LRRC69: variants seen among roughly 807,000 people sequenced by gnomAD.
The protein encoded by LRRC69 is leucine-rich repeat-containing protein 69.
LRRC69 carries 42 observed loss-of-function variants against 37.8 expected under a neutral mutation model. The ratio of observed to expected loss-of-function variants is 1.11; its 90% CI spans 0.87 to 1.44. The LOEUF is 1.44. Ranked by LOEUF, LRRC69 falls within the 40% of genes most tolerant of loss-of-function variation. LRRC69 has a pLI of 0.00. For missense variants in LRRC69, 357 were observed against 401.9 expected, an observed-to-expected ratio of 0.89 and a Z score of 0.96; for synonymous variants, 141 against 143.1, an observed-to-expected ratio of 0.99 and a Z score of 0.11.
chr8:91,131,050 A>G (rs1411290734), intron 3 of LRRC69, among the ~76,000 whole-genome samples: 2 of 152,028 alleles, frequency 1.3e-5, no homozygotes, highest in Non-Finnish European at 2.9e-5. Flanking sequence ...TTTTGAAGAG[A>G]CACAAATATT....
intron 5 of LRRC69, among the ~76,000 whole-genome samples, chr8:91,137,191 C>T (rs1272611832): frequency 6.6e-6 from 1 of 151,904 alleles, no homozygotes; most frequent in East Asian, 1.9e-4. Flanking sequence ...TAATATTGAC[C>T]TTGAAAATGT....
chr8:91,118,614 T>C (rs1813561076), intron 1 of LRRC69: 1 of 186,692 alleles, frequency 5.4e-6, no homozygotes, highest in Non-Finnish European at 1.1e-5. Context: ...TTTCAATCTA[T>C]AGCAATCAGT....
chr8:91,212,013 C>G (rs556601720), intron 7 of LRRC69, among the ~76,000 whole-genome samples: 1 of 152,240 alleles, frequency 6.6e-6, no homozygotes, highest in South Asian at 2.1e-4. Flanking sequence ...AAATATCAAT[C>G]TTGATCATAA....
rs1419735050 is a variant in LRRC69 at position 91,216,947 on chromosome 8, T to C, written c.934-1943T>C. Reference sequence around the variant, plus strand: ...TAGTTCACCCTCCCCGAAATGTCCTTTTGGTTTCTCCCCAGGCAGACACAT... The same window carrying C: ...TAGTTCACCCTCCCCGAAATGTCCTCTTGGTTTCTCCCCAGGCAGACACAT... On this transcript the variant is annotated intron_variant, in intron 7 of 7. Coordinates refer to ENST00000448384, the Ensembl canonical transcript of LRRC69. Among the ~76,000 whole-genome samples, 3 of 152,124 alleles carry C rather than the reference T, an allele frequency of 2.0e-5. No homozygotes were observed. In the East Asian group the frequency reaches 5.8e-4, roughly 29 times the overall value.
chr8:91,131,798 C>G (rs1021651745), intron 3 of LRRC69, among the ~76,000 whole-genome samples: 5 of 151,936 alleles, frequency 3.3e-5, no homozygotes, highest in African/African-American at 4.8e-5. Context: ...TTTTGACCAT[C>G]TCTTTAATTT....
intron 1 of LRRC69, among the ~76,000 whole-genome samples, chr8:91,108,186 C>G (rs1387789867): frequency 6.6e-6 from 1 of 152,004 alleles, no homozygotes; most frequent in Non-Finnish European, 1.5e-5. Flanking sequence ...GTAAATAAGA[C>G]CAACTCTAAC....
chr8:91,145,085 A>G (rs1703793261), intron 5 of LRRC69, among the ~76,000 whole-genome samples: 1 of 151,972 alleles, frequency 6.6e-6, no homozygotes, highest in African/African-American at 2.4e-5. Flanking sequence ...AAACATGTCC[A>G]TGATCAAAAA....
chr8:91,216,560 T>C (rs1810051541), intron 7 of LRRC69, among the ~76,000 whole-genome samples: 2 of 152,134 alleles, frequency 1.3e-5, no homozygotes, highest in African/African-American at 4.8e-5. Flanking sequence ...TTATTTTCAA[T>C]AGTTCTTTAA....
intron 5 of LRRC69, chr8:91,157,604 A>G (rs1808859953): frequency 1.1e-5 from 17 of 1,554,422 alleles, no homozygotes; most frequent in Middle Eastern, 3.4e-4. Flanking sequence ...GATCAGGTGG[A>G]TAAGGCAGAT....
intron 7 of LRRC69, among the ~76,000 whole-genome samples, chr8:91,209,862 C>A (rs1397112768): frequency 2.6e-5 from 4 of 152,126 alleles, no homozygotes; most frequent in Admixed American, 6.5e-5. Flanking sequence ...AATGGTAGTG[C>A]TTTTCCACTT....
chr8:91,209,075 G>A (rs1563626816), intron 7 of LRRC69, among the ~76,000 whole-genome samples: 1 of 152,156 alleles, frequency 6.6e-6, no homozygotes, highest in African/African-American at 2.4e-5. Context: ...ATCAAAAGAG[G>A]AAGGTGGTGT....
intron 6 of LRRC69, among the ~76,000 whole-genome samples, chr8:91,199,598 A>G (rs1242185807): frequency 6.6e-6 from 1 of 152,166 alleles, no homozygotes; most frequent in Non-Finnish European, 1.5e-5. Context: ...AAAAATTCCT[A>G]TCCAAGCTTT....
chr8:91,130,514 A>G (rs1325458811), intron 3 of LRRC69: 1 of 152,014 alleles, frequency 6.6e-6, no homozygotes, highest in Non-Finnish European at 1.5e-5. Flanking sequence ...ACCTCAAGTG[A>G]TCTGCCTGCC....
intron 1 of LRRC69, chr8:91,118,468 G>T (rs551141070): frequency 3.1e-6 from 1 of 319,176 alleles, no homozygotes; most frequent in East Asian, 9.4e-5. Context: ...GGCAGAGGTT[G>T]CAGTGAGCCG....
chr8:91,143,214 G>A (rs1808561230), intron 5 of LRRC69, among the ~76,000 whole-genome samples: 2 of 151,990 alleles, frequency 1.3e-5, no homozygotes, highest in Non-Finnish European at 2.9e-5. Context: ...GAAATTTGGG[G>A]AAGGCCAAAT....
In LRRC69 at chr8:91,148,812, T is replaced by C. The variant is rs1808671999; in HGVS notation, c.651+13073T>C. 2.0e-5 allele frequency among the ~76,000 whole-genome samples: 3 copies of C among 152,054 alleles called. No homozygotes were observed. In the South Asian group the frequency reaches 6.2e-4, roughly 31 times the overall value. ...AGATGTTATCTCATTGTGGTTTTGA[T>C]TTGCATTTCTCTGATGGTCAGTGAT... On this transcript the variant is annotated intron_variant, in intron 5 of 7. Transcript: ENST00000448384.
chr8:91,200,523 C>T (rs1563623427), intron 6 of LRRC69, 90 bp from the exon 7 acceptor site: 1 of 785,908 alleles, frequency 1.3e-6, no homozygotes. Flanking sequence ...GATAATAAGC[C>T]ATACACTTTA....
intron 5 of LRRC69, among the ~76,000 whole-genome samples, chr8:91,187,915 T>C (rs1319118888): frequency 1.3e-5 from 2 of 152,366 alleles, no homozygotes; most frequent in Non-Finnish European, 2.9e-5. Flanking sequence ...CTCCTTTACA[T>C]TGATCTCTCT....
At chr8:91,138,948 C>T (rs1808475427) in intron 5 of LRRC69, 1 of 151,274 alleles carries the variant, frequency 6.6e-6, no homozygotes, top group Non-Finnish European at 1.5e-5. Context: ...CCCTGTGGTC[C>T]CAGTTACTTG....
Sources: gnomAD v4.1 joint callset for allele counts (sites outside exome capture counted in the v4.1 genomes callset) on GRCh38, gnomAD v4.1.1 for gene constraint, MANE v1.5 for transcripts, NCBI Gene and HGNC (gene_info 2026-07-23, HGNC 2026-07-21) for gene names.